The following STAM2 variants were observed in gnomAD, a reference collection of about 807,000 sequenced individuals.
STAM2 encodes signal transducing adapter molecule 2.
A neutral mutation model predicts 65.6 loss-of-function variants in STAM2; 51 were observed. That is an observed-to-expected ratio of 0.78 (90% CI 0.62 to 0.98). The LOEUF (loss-of-function observed/expected upper bound fraction) is 0.98. STAM2 is among the 50% of genes least tolerant of loss of function. STAM2 has a pLI of 0.00. For synonymous variants in STAM2, 198 were observed against 208.4 expected, an observed-to-expected ratio of 0.95 and a Z score of 0.43; for missense variants, 584 against 617.8, an observed-to-expected ratio of 0.95 and a Z score of 0.58.
At chr2:152,124,090 G>A (rs768126433) in intron 12 of STAM2, 155 bp from the exon 13 acceptor site, 1 of 627,282 alleles carries the variant, frequency 1.6e-6, no homozygotes, top group Non-Finnish European at 2.7e-6. Context: ...TAAAAGTGGA[G>A]AGCTGTCAAA....
chr2:152,127,512 C>T (rs1688982001), intron 11 of STAM2, among the ~76,000 whole-genome samples: 1 of 149,030 alleles, frequency 6.7e-6, no homozygotes, highest in Non-Finnish European at 1.5e-5. Context: ...CTATGAAGTA[C>T]AATATGATGG....
intron 1 of STAM2, among the ~76,000 whole-genome samples, chr2:152,154,440 A>G (rs986602864): frequency 3.3e-5 from 5 of 152,106 alleles, no homozygotes; most frequent in Admixed American, 6.5e-5. Context: ...ACATGGTAAA[A>G]CCCTGTCTCT....
intron 8 of STAM2, among the ~76,000 whole-genome samples, chr2:152,134,888 C>T (rs555683775): frequency 3.9e-5 from 6 of 152,252 alleles, no homozygotes; most frequent in African/African-American, 1.4e-4. Context: ...ACCTGAATAA[C>T]AAATGGAATG....
At chr2:152,124,757 G>A (rs912497755) in intron 12 of STAM2, 3 of 152,094 alleles carry the variant, frequency 2.0e-5, no homozygotes, top group African/African-American at 7.2e-5. Flanking sequence ...GCTATATTAA[G>A]TACAATCACA....
chr2:152,148,323 A>G (rs1384456572), intron 2 of STAM2, 23 bp from the exon 3 acceptor site: 2 of 1,530,872 alleles, frequency 1.3e-6, no homozygotes, highest in South Asian at 1.2e-5. Context: ...AGAGAGAGAG[A>G]GACAGTTAAG....
intron 1 of STAM2, among the ~76,000 whole-genome samples, chr2:152,153,693 A>G (rs1393861075): frequency 6.6e-6 from 1 of 152,202 alleles, no homozygotes; most frequent in Admixed American, 6.5e-5. Context: ...CTTGTGCCAA[A>G]AAGACTATTG....
At chr2:152,126,494 A>G (rs1217780520) in intron 11 of STAM2, 115 bp from the exon 12 acceptor site, 7 of 582,992 alleles carry the variant, frequency 1.2e-5, no homozygotes, top group Non-Finnish European at 1.8e-5. Context: ...AGGCTTTTTT[A>G]TATTTAATGA....
intron 11 of STAM2, among the ~76,000 whole-genome samples, chr2:152,127,548 A>T (rs1553844694): frequency 6.6e-6 from 1 of 152,116 alleles, no homozygotes; most frequent in Non-Finnish European, 1.5e-5. Flanking sequence ...TGTTAAAAAA[A>T]AACCACACAC....
At chr2:152,144,765 T>A (rs749118348) in intron 6 of STAM2, 123 bp downstream of exon 6, 5 of 717,998 alleles carry the variant, frequency 7.0e-6, no homozygotes, top group Non-Finnish European at 1.2e-5. Context: ...TCTCGATCTC[T>A]TGACCTCATG....
intron 1 of STAM2, among the ~76,000 whole-genome samples, chr2:152,167,971 A>G (rs1356967564): frequency 6.6e-6 from 1 of 152,072 alleles, no homozygotes; most frequent in African/African-American, 2.4e-5. Context: ...ATGAAAAATC[A>G]AGGAAGGGGG....
At chr2:152,143,515 C>T (rs567249166) in intron 7 of STAM2, among the ~76,000 whole-genome samples, 1 of 152,284 alleles carries the variant, frequency 6.6e-6, no homozygotes, top group South Asian at 2.1e-4. Context: ...CCAATAATTT[C>T]AGTACACACA....
chr2:152,140,096 T>C (rs1012535523), intron 7 of STAM2, among the ~76,000 whole-genome samples: 2 of 152,110 alleles, frequency 1.3e-5, no homozygotes. Flanking sequence ...AAATACAGTA[T>C]GAGAAATGCT....
chr2:152,170,697 C>T (rs1051791828), intron 1 of STAM2, among the ~76,000 whole-genome samples: 6 of 151,978 alleles, frequency 3.9e-5, no homozygotes, highest in South Asian at 2.1e-4. Flanking sequence ...ATAACTCTCA[C>T]GAAGAAATGC....
At chr2:152,129,694 T>TA (rs1051055111) in intron 11 of STAM2, among the ~76,000 whole-genome samples, 3 of 152,118 alleles carry the variant, frequency 2.0e-5, no homozygotes, top group Non-Finnish European at 4.4e-5. Flanking sequence ...TACAAAAAAT[T>TA]AAAAAAAATT....
chr2:152,146,347 C>T (rs778865240), intron 5 of STAM2, among the ~76,000 whole-genome samples: 11 of 151,330 alleles, frequency 7.3e-5, no homozygotes, highest in South Asian at 2.1e-4. Flanking sequence ...TACTTCTCAT[C>T]GTCTCTTTCC....
In STAM2 at chr2:152,118,098, T is replaced by C. The variant is rs1688782755; in HGVS notation, c.*2476A>G. 1 of 152,164 alleles carries C rather than the reference T, an allele frequency of 6.6e-6. No individual in the cohort carries two copies. The highest frequency in any genetic ancestry group is 1.5e-5 in the Non-Finnish European group (1 of 67,986). The allele number at this position is 152,164 out of a possible 1,614,324, so 9.4% of individuals were successfully genotyped here. A position where few individuals can be genotyped will look rare whatever the true frequency, so the allele number is the denominator to read the frequency against. On this transcript the variant is annotated 3_prime_UTR_variant, in exon 14 of 14. Coordinates refer to ENST00000263904, the MANE Select transcript of STAM2 (RefSeq NM_005843.6). The stretch of plus-strand genomic sequence containing the variant: ...AAATTTTCAGGAATTCTTTCTGATG[T>C]ACCAAGATTTCATATGAAAAAGCAG...
rs370084578 is a variant in STAM2, at chr2:152,143,899, T to C, written c.632A>G (p.Tyr211Cys). 1.9e-6 allele frequency: 3 copies of C among 1,613,866 alleles called. No homozygotes were observed. Among genetic ancestry groups the C allele is most frequent in the Admixed American group, 1.7e-5 (1 of 60,016 alleles). Reference sequence around the variant, plus strand: ...ATTGTCCTCAACAGCTTCAAAATCATATAAAGCTCTCACTTTCCGTGCAAC... The same window carrying C: ...ATTGTCCTCAACAGCTTCAAAATCACATAAAGCTCTCACTTTCCGTGCAAC... The part of the protein sequence containing the change: ...NKVARKVRAL[Y>C]DFEAVEDNEL... The change falls in exon 7 of 14, where the codon TAT (tyrosine) becomes TGT (cysteine). Residue 211 changes from tyrosine to cysteine, a missense_variant. Coordinates refer to ENST00000263904, the MANE Select transcript of STAM2 (RefSeq NM_005843.6).
chr2:152,153,777 A>G, intron 1 of STAM2, among the ~76,000 whole-genome samples: 1 of 152,036 alleles, frequency 6.6e-6, no homozygotes, highest in East Asian at 1.9e-4. Flanking sequence ...TACATATCTA[A>G]TAAATTCCAT....
intron 6 of STAM2, among the ~76,000 whole-genome samples, chr2:152,144,330 C>T (rs138725194): frequency 6.6e-6 from 1 of 151,802 alleles, no homozygotes; most frequent in African/African-American, 2.4e-5. Context: ...TGACTCATAA[C>T]TTTGGCATTA....
Sources: allele counts gnomAD v4.1 joint callset (sites outside exome capture counted in the v4.1 genomes callset), GRCh38; gene constraint gnomAD v4.1.1; transcripts MANE v1.5; gene names NCBI Gene and HGNC (gene_info 2026-07-23, HGNC 2026-07-21).